Variants in HECW2 observed in about 807,000 individuals in gnomAD.
The protein encoded by HECW2 is HECT, C2 and WW domain containing E3 ubiquitin protein ligase 2.
HECW2 carries 61 observed loss-of-function variants against 175.2 expected under a neutral mutation model. That is an observed-to-expected ratio of 0.35 (90% CI 0.28 to 0.43). The LOEUF is 0.43. HECW2 is among the 20% of genes least tolerant of loss of function. The pLI, the probability that HECW2 is intolerant of heterozygous loss-of-function variation, is 1.00. For missense variants in HECW2, 1,524 were observed against 2,000.5 expected (o/e 0.76, Z 4.54); for synonymous variants, 671 against 731.0 (o/e 0.92, Z 1.32).
intron 3 of HECW2, among the ~76,000 whole-genome samples, 160 bp downstream of exon 3, chr2:196,343,497 T>C (rs1357570278): frequency 1.3e-5 from 2 of 152,228 alleles, no homozygotes; most frequent in African/African-American, 4.8e-5. Flanking sequence ...GTGAACATTC[T>C]TTACTGAGCA....
At chr2:196,403,048 C>T (rs943160459) in intron 2 of HECW2, among the ~76,000 whole-genome samples, 7 of 152,104 alleles carry the variant, frequency 4.6e-5, no homozygotes, top group African/African-American at 1.7e-4. Flanking sequence ...CTCAGGTGAT[C>T]CGCCCACCTT....
At chr2:196,400,687 A>G (rs955863705) in intron 2 of HECW2, among the ~76,000 whole-genome samples, 3 of 152,060 alleles carry the variant, frequency 2.0e-5, no homozygotes, top group Non-Finnish European at 4.4e-5. Flanking sequence ...CTTACTAAAC[A>G]TCATCTTGTT....
rs751855678 is a variant in HECW2, at chr2:196,200,141, A to T, written c.*1136T>A. On this transcript the variant is annotated 3_prime_UTR_variant, in exon 29 of 29. Coordinates refer to ENST00000644978, the MANE Select transcript of HECW2 (RefSeq NM_001348768.2). The stretch of plus-strand genomic sequence containing the variant: ...AAATAAATGCATATCATACTATCAC[A>T]TATAGTGAATCTTAAAAAATTATTA... 3 of 152,636 alleles carry T rather than the reference A, an allele frequency of 2.0e-5. No homozygotes were observed. Among genetic ancestry groups the T allele is most frequent in the Non-Finnish European group, 4.4e-5 (3 of 68,024 alleles). The allele number at this position is 152,636 out of a possible 1,614,324, so 9.5% of individuals were successfully genotyped here.
intron 2 of HECW2, among the ~76,000 whole-genome samples, chr2:196,375,415 A>G (rs1694025254): frequency 2.0e-5 from 3 of 152,232 alleles, no homozygotes; most frequent in Non-Finnish European, 4.4e-5. Context: ...AATCATTGTG[A>G]GCATTCATGA....
intron 1 of HECW2, among the ~76,000 whole-genome samples, chr2:196,540,011 G>T (rs1047533424): frequency 6.6e-6 from 1 of 152,216 alleles, no homozygotes; most frequent in Non-Finnish European, 1.5e-5. Context: ...CAGTCACTTT[G>T]TTTTGACGTA....
At chr2:196,284,819 C>T (rs994228918) in intron 14 of HECW2, among the ~76,000 whole-genome samples, 3 of 152,092 alleles carry the variant, frequency 2.0e-5, no homozygotes, top group African/African-American at 7.2e-5. Context: ...TTAATAAATG[C>T]TGTCTAGAGT....
At chr2:196,559,642 A>C (rs1280502892) in intron 1 of HECW2, among the ~76,000 whole-genome samples, 1 of 152,168 alleles carries the variant, frequency 6.6e-6, no homozygotes, top group Non-Finnish European at 1.5e-5. Context: ...TTTTTCTTGG[A>C]GTTTTCTCTT....
intron 18 of HECW2, among the ~76,000 whole-genome samples, chr2:196,254,374 C>A (rs1688970409): frequency 6.6e-6 from 1 of 152,104 alleles, no homozygotes; most frequent in East Asian, 1.9e-4. Flanking sequence ...TTATTGAGAA[C>A]CCATCATAAA....
intron 1 of HECW2, among the ~76,000 whole-genome samples, chr2:196,551,496 A>T (rs1437220269): frequency 6.6e-6 from 1 of 152,252 alleles, no homozygotes; most frequent in African/African-American, 2.4e-5. Flanking sequence ...ATTCATAGAC[A>T]TAACCTAGCA....
intron 21 of HECW2, among the ~76,000 whole-genome samples, chr2:196,231,018 AC>A (rs757573191): frequency 5.5e-4 from 72 of 132,044 alleles, no homozygotes; most frequent in Non-Finnish European, 9.0e-4. Flanking sequence ...CAGGAGAATC[AC>A]TTGAACCAGG....
intron 2 of HECW2, among the ~76,000 whole-genome samples, chr2:196,387,970 C>T (rs1390475885): frequency 6.6e-6 from 1 of 152,166 alleles, no homozygotes; most frequent in Non-Finnish European, 1.5e-5. Flanking sequence ...CTTGTAAGCA[C>T]TGAGTTATTA....
At chr2:196,389,822 T>G (rs1407382118) in intron 2 of HECW2, among the ~76,000 whole-genome samples, 4 of 152,128 alleles carry the variant, frequency 2.6e-5, no homozygotes, top group African/African-American at 9.7e-5. Flanking sequence ...TAAAGGTTTC[T>G]AGCTAACAGT....
chr2:196,528,468 A>T (rs1319881650), intron 1 of HECW2, among the ~76,000 whole-genome samples: 1 of 152,220 alleles, frequency 6.6e-6, no homozygotes, highest in East Asian at 1.9e-4. Context: ...GTTGCCAGAA[A>T]CAACCAAACA....
intron 2 of HECW2, among the ~76,000 whole-genome samples, chr2:196,415,542 G>A (rs1329677823): frequency 2.2e-5 from 3 of 137,120 alleles, no homozygotes; most frequent in Non-Finnish European, 4.8e-5. Flanking sequence ...GCTTCCTGTG[G>A]TGTAAATGCT....
intron 23 of HECW2, among the ~76,000 whole-genome samples, chr2:196,224,474 T>A (rs1256547738): frequency 6.6e-6 from 1 of 151,828 alleles, no homozygotes; most frequent in African/African-American, 2.4e-5. Flanking sequence ...AAGCTTCAGG[T>A]ACACCAAGAC....
At chr2:196,466,558 G>C (rs189355024) in intron 1 of HECW2, among the ~76,000 whole-genome samples, 29 of 152,340 alleles carry the variant, frequency 1.9e-4, no homozygotes, top group African/African-American at 6.5e-4. Flanking sequence ...GAAATGCATA[G>C]AGAAGCAGGT....
chr2:196,467,113 G>T (rs1170817073), intron 1 of HECW2, among the ~76,000 whole-genome samples: 1 of 152,162 alleles, frequency 6.6e-6, no homozygotes, highest in Non-Finnish European at 1.5e-5. Flanking sequence ...GGTTCCCAAA[G>T]AAATGGTTTA....
chr2:196,411,707 T>G (rs1424452199), intron 2 of HECW2, among the ~76,000 whole-genome samples: 2 of 152,208 alleles, frequency 1.3e-5, no homozygotes. Context: ...TTGGAGTGAC[T>G]TGGATCAAAA....
intron 3 of HECW2, 117 bp downstream of exon 3, chr2:196,343,519 AATATATTTTCCATCATGGCAT>A (rs1470532936): frequency 4.8e-6 from 3 of 624,818 alleles, no homozygotes; most frequent in Admixed American, 5.5e-5. Flanking sequence ...TTTCTAAAAC[AATATATTTTCCATCATGGCAT>A]AAATATGTAA....
Sources: allele counts gnomAD v4.1 joint callset (sites outside exome capture counted in the v4.1 genomes callset), GRCh38; gene constraint gnomAD v4.1.1; transcripts MANE v1.5; gene names NCBI Gene and HGNC (gene_info 2026-07-23, HGNC 2026-07-21).